MAX: variants seen among roughly 807,000 people sequenced by gnomAD.
MAX encodes protein max.
Under a neutral mutation model 22.3 loss-of-function variants are expected in MAX, and 3 were observed. That is an observed-to-expected ratio of 0.13 (90% CI 0.06 to 0.35). The LOEUF (loss-of-function observed/expected upper bound fraction) is 0.35, where lower values mean the gene tolerates loss of function less well. Among genes scored for constraint, MAX ranks in the 10% least tolerant of loss-of-function variants. The probability of loss-of-function intolerance (pLI) is 1.00; values close to 1 mark genes in which losing one functional copy is unlikely to be tolerated. For synonymous variants in MAX, 72 were observed against 77.7 expected (o/e 0.93, Z 0.39); for missense variants, 119 against 209.4 (o/e 0.57, Z 2.66).
chr14:65,016,983 C>T (rs2061787782), intron 3 of MAX, among the ~76,000 whole-genome samples: 1 of 138,054 alleles, frequency 7.2e-6, no homozygotes, highest in Non-Finnish European at 1.5e-5. Flanking sequence ...GGTGCAGTGG[C>T]ACAGTCTCAG....
chr14:65,015,410 CTTTTTT>C (rs888923691), intron 3 of MAX: 57 of 155,730 alleles, frequency 3.7e-4, no homozygotes, highest in East Asian at 1.3e-3. Flanking sequence ...GCCTTGTTAT[CTTTTTT>C]TTTTTTTTTT....
At chr14:65,024,532 A>G (rs944560969) in intron 3 of MAX, among the ~76,000 whole-genome samples, 20 of 152,230 alleles carry the variant, frequency 1.3e-4, no homozygotes, top group African/African-American at 4.1e-4. Flanking sequence ...TTGAAGATCC[A>G]TGATATAGAA....
chr14:65,068,747 G>C (rs1476204256), intron 3 of MAX, among the ~76,000 whole-genome samples: 1 of 152,018 alleles, frequency 6.6e-6, no homozygotes, highest in Non-Finnish European at 1.5e-5. Flanking sequence ...AACGAGTACT[G>C]CATGTTGATA....
In MAX at chr14:65,102,438, C is replaced by T. The variant is rs570017996; in HGVS notation, c.-99G>A. 612 of 1,549,208 alleles carry T rather than the reference C, an allele frequency of 4.0e-4. No individual in the cohort carries two copies. The highest frequency in any genetic ancestry group is 5.1e-4 in the Non-Finnish European group (587 of 1,149,458). ...CGACAACAACAAGCCGAGTCCCCCC[C>T]ACACACACACTCACTCACTCACTCA... On this transcript the variant is annotated 5_prime_UTR_variant, in exon 1 of 5. Transcript: ENST00000358664.
intron 3 of MAX, among the ~76,000 whole-genome samples, chr14:65,039,736 C>G (rs1323577061): frequency 6.6e-6 from 1 of 152,212 alleles, no homozygotes; most frequent in Non-Finnish European, 1.5e-5. Flanking sequence ...TTATTTGGCT[C>G]ATGGTTCTGC....
At chr14:65,068,419 C>T (rs964398321) in intron 3 of MAX, among the ~76,000 whole-genome samples, 5 of 152,062 alleles carry the variant, frequency 3.3e-5, no homozygotes, top group East Asian at 1.9e-4. Context: ...TGGGCGACAG[C>T]GTGAGACTCT....
At chr14:65,083,128 G>A (rs2063240740) in intron 3 of MAX, among the ~76,000 whole-genome samples, 1 of 152,168 alleles carries the variant, frequency 6.6e-6, no homozygotes, top group African/African-American at 2.4e-5. Context: ...GCAGCTACGT[G>A]TCCATTTGCA....
At position 65,078,510 on chromosome 14, in the gene MAX, C is replaced by CTGT. The variant is rs1251966714; in HGVS notation, c.172-477_172-475dup. ...ACAGGTGTGAGCCACTGCGCCCAGC[C>CTGT]TGTTGTTGTTGTTGTTGTTGTTGTT... On this transcript the variant is annotated intron_variant, in intron 3 of 4. Transcript: ENST00000358664. This position sits in a 1 kb window ranked among gnomAD's most constrained non-coding sequence, Gnocchi z 6.4. Among the ~76,000 whole-genome samples the CTGT allele has an allele frequency of 3.8e-4, 57 of 148,316 alleles. No individual in the cohort carries two copies. Among genetic ancestry groups the CTGT allele is most frequent in the East Asian group, 8.0e-4 (4 of 4,986 alleles).
At position 65,075,425 on chromosome 14, in the gene MAX, G is replaced by A. The variant is rs2063032396; in HGVS notation, c.*1051C>T. ...TTCCAGGACAGTAGGAAAGGAAGTG[G>A]GATGAGGGCTGGGAAGGGTCCGCAC... On this transcript the variant is annotated 3_prime_UTR_variant, in exon 5 of 5. Transcript: ENST00000358664. The surrounding 1 kb of genome is among the most constrained non-coding windows in gnomAD (Gnocchi z 4.1). 9.4e-7 allele frequency: 1 copy of A among 1,063,750 alleles called. No homozygotes were observed. Among genetic ancestry groups the A allele is most frequent in the Non-Finnish European group, 1.1e-6 (1 of 878,064 alleles). 65.9% of individuals were successfully genotyped at this position (1,063,750 alleles called of 1,614,324 possible).
At chr14:65,099,421 A>G (rs537487618) in intron 2 of MAX, among the ~76,000 whole-genome samples, 2 of 152,264 alleles carry the variant, frequency 1.3e-5, no homozygotes, top group Non-Finnish European at 2.9e-5. Context: ...TTAGCATTCC[A>G]GGAAAGCAGA....
chr14:65,067,958 G>A (rs1008068333), intron 3 of MAX, among the ~76,000 whole-genome samples: 4 of 151,978 alleles, frequency 2.6e-5, no homozygotes, highest in Admixed American at 2.0e-4. Context: ...TTTGGAGGAA[G>A]GCCACAGAGG....
intron 3 of MAX, among the ~76,000 whole-genome samples, chr14:65,053,613 CTCT>C (rs1482505810): frequency 2.5e-5 from 3 of 119,934 alleles, no homozygotes; most frequent in South Asian, 2.4e-4. Context: ...GGGTAGATAA[CTCT>C]TCTTTTTTTT....
Position 65,011,815 on chromosome 14 carries a change from G to T in MAX, c.172-5531C>A, listed in dbSNP as rs1157723909. On this transcript the variant is annotated intron_variant, in intron 3 of 3. Transcript: ENST00000341653. This position sits in a 1 kb window ranked among gnomAD's most constrained non-coding sequence, Gnocchi z 4.0. ...CGTGGGAGGTGGAATTTCAGGGAGA[G>T]AATAATAGTTGGATAACCGAGAGGC... Among the ~76,000 whole-genome samples, 2 of 152,230 alleles carry T rather than the reference G, an allele frequency of 1.3e-5. No individual in the cohort carries two copies. The highest frequency in any genetic ancestry group is 2.1e-4 in the South Asian group (1 of 4,830).
chr14:65,053,437 A>C, intron 3 of MAX: 2,561 of 1,078,760 alleles, frequency 2.4e-3, no homozygotes, highest in Non-Finnish European at 2.8e-3. Context: ...GCCAGATCTC[A>C]AGAGCAGAGG....
At chr14:65,039,374 C>T (rs187096413) in intron 3 of MAX, among the ~76,000 whole-genome samples, 35 of 152,302 alleles carry the variant, frequency 2.3e-4, no homozygotes, top group Admixed American at 1.0e-3. Flanking sequence ...CTCCTCTTAG[C>T]TTGTTGGATA....
At chr14:65,064,705 G>GAGGGAA (rs1315888626) in intron 3 of MAX, among the ~76,000 whole-genome samples, 1 of 152,252 alleles carries the variant, frequency 6.6e-6, no homozygotes, top group Non-Finnish European at 1.5e-5. Flanking sequence ...TCTCCCTTGA[G>GAGGGAA]AGGGAAATGA....
Position 65,075,581 on chromosome 14 carries a change from C to CT in MAX, c.*894_*895insA, listed in dbSNP as rs1472038026. ...ATTACTTTATGAATCTGTCGCTTTG[C>CT]AAGACCGACATCATCAGAAATAGGT... On this transcript the variant is annotated 3_prime_UTR_variant, in exon 5 of 5. Transcript: ENST00000358664. This position sits in a 1 kb window ranked among gnomAD's most constrained non-coding sequence, Gnocchi z 4.1. 1.9e-6 allele frequency: 2 copies of CT among 1,066,026 alleles called. No homozygotes were observed. Among genetic ancestry groups the CT allele is most frequent in the Non-Finnish European group, 2.3e-6 (2 of 879,586 alleles). 66.0% of individuals were successfully genotyped at this position (1,066,026 alleles called of 1,614,324 possible).
rs1362734118 is a variant in MAX at position 65,034,887 on chromosome 14, A to G, written c.172-28603T>C. On this transcript the variant is annotated intron_variant, in intron 3 of 3. Transcript: ENST00000341653. Reference sequence around the variant, plus strand: ...TATGATGGTGGAGGTGTCATACAACAGAACGGTATGGATTCTGTTGGTTTG... The same window carrying G: ...TATGATGGTGGAGGTGTCATACAACGGAACGGTATGGATTCTGTTGGTTTG... Among the ~76,000 whole-genome samples, 4 of 152,230 alleles carry G rather than the reference A, an allele frequency of 2.6e-5. No individual in the cohort carries two copies. The South Asian group carries it at 6.2e-4, about 24-fold the overall frequency.
In MAX at chr14:65,084,705, A is replaced by T. The variant is rs982036874; in HGVS notation, c.172-6669T>A. The stretch of plus-strand genomic sequence containing the variant: ...CCCAAAAGAAACATGCCTAATGACT[A>T]AACATGAGCACACTGTATGACCTAG... On this transcript the variant is annotated intron_variant, in intron 3 of 4. Coordinates refer to ENST00000358664, the MANE Select transcript of MAX (RefSeq NM_002382.5). The surrounding 1 kb of genome is among the most constrained non-coding windows in gnomAD (Gnocchi z 4.3). 6.6e-6 allele frequency among the ~76,000 whole-genome samples: 1 copy of T among 152,246 alleles called. No homozygotes were observed. Among genetic ancestry groups the T allele is most frequent in the Non-Finnish European group, 1.5e-5 (1 of 68,040 alleles).
Sources: allele counts gnomAD v4.1 joint callset (sites outside exome capture counted in the v4.1 genomes callset), GRCh38; gene constraint gnomAD v4.1.1; non-coding constraint Gnocchi (gnomAD v3.1); transcripts MANE v1.5; gene names NCBI Gene and HGNC (gene_info 2026-07-23, HGNC 2026-07-21).